The following NALF1 variants were observed in gnomAD, a reference collection of about 807,000 sequenced individuals.
NALF1 encodes the protein family with sequence similarity 155 member A.
Under a neutral mutation model 48.4 loss-of-function variants are expected in NALF1, and 3 were observed. The ratio of observed to expected loss-of-function variants is 0.06; its 90% confidence interval spans 0.03 to 0.16. The LOEUF is 0.16. NALF1 is among the 10% of genes least tolerant of loss of function. The pLI is 1.00. For missense variants in NALF1, 526 were observed against 571.5 expected (o/e 0.92, Z 0.81); for synonymous variants, 262 against 245.7 (o/e 1.07, Z -0.62).
intron 1 of NALF1, among the ~76,000 whole-genome samples, chr13:107,216,277 C>T (rs1217590728): frequency 6.6e-6 from 1 of 152,232 alleles, no homozygotes; most frequent in African/African-American, 2.4e-5. Context: ...CATGTTGCTA[C>T]AGTTTTAAGT....
chr13:107,753,856 A>G (rs144558064), intron 1 of NALF1, among the ~76,000 whole-genome samples: 32 of 152,254 alleles, frequency 2.1e-4, no homozygotes, highest in African/African-American at 7.7e-4. Context: ...GGTACAAATA[A>G]ATCTGTGATG....
At chr13:107,726,705 G>A (rs1876161313) in intron 1 of NALF1, among the ~76,000 whole-genome samples, 1 of 150,376 alleles carries the variant, frequency 6.6e-6, no homozygotes. Flanking sequence ...CGCCTCCCAG[G>A]TTCAAGTGAT....
rs1878768078 is a variant in NALF1, at chr13:107,170,164, A to G, written c.*333T>C. 4.5e-6 allele frequency: 1 copy of G among 224,114 alleles called. No homozygotes were observed. Among genetic ancestry groups the G allele is most frequent in the Admixed American group, 5.1e-5 (1 of 19,632 alleles). 13.9% of individuals were successfully genotyped at this position (224,114 alleles called of 1,614,324 possible). A position where few individuals can be genotyped will look rare whatever the true frequency, so the allele number is the denominator to read the frequency against. ...GAAAAGACTTAGTTTACCTCTGAGA[A>G]ACCATCCCCCAAAATAAATCCTGTA... is the stretch of plus-strand genomic sequence containing the variant. On this transcript the variant is annotated 3_prime_UTR_variant, in exon 3 of 3. Coordinates refer to ENST00000375915, the MANE Select transcript of NALF1 (RefSeq NM_001080396.3).
At chr13:107,555,260 TATTAATTAATTA>T (rs111849596) in intron 1 of NALF1, among the ~76,000 whole-genome samples, 1 of 150,914 alleles carries the variant, frequency 6.6e-6, no homozygotes. Flanking sequence ...TTTGATTTAT[TATTAATTAATTA>T]ATTAATTAAT....
chr13:107,602,904 G>A (rs1181483079), intron 1 of NALF1, among the ~76,000 whole-genome samples: 1 of 152,096 alleles, frequency 6.6e-6, no homozygotes, highest in Non-Finnish European at 1.5e-5. Context: ...ATCTTCTTGA[G>A]TAATTTTGTG....
chr13:107,210,899 AC>A, intron 1 of NALF1, 144 bp from the exon 2 acceptor site: 1 of 601,076 alleles, frequency 1.7e-6, no homozygotes, highest in East Asian at 2.7e-5. Context: ...TTACACAACG[AC>A]AGCTGCAAGT....
At chr13:107,812,712 T>A (rs1196396004) in intron 1 of NALF1, among the ~76,000 whole-genome samples, 1 of 152,166 alleles carries the variant, frequency 6.6e-6, no homozygotes, top group Non-Finnish European at 1.5e-5. Flanking sequence ...AACAGTATTA[T>A]TTTCTGAAAA....
rs767748270 is a variant in NALF1, at chr13:107,866,230, G to A, written c.367C>T (p.Leu123Phe). ...SSPAAQAHRL[L>F]SASSSPTLPP... ...AGGGTGGGGGACGAGGAGGCGGAGA[G>A]GAGTCTGTGTGCCTGGGCGGCGGGC... Residue 123 changes from leucine to phenylalanine, a missense_variant, in exon 1 of 3, where the codon CTC (leucine) becomes TTC (phenylalanine). By Grantham distance (22) the Leu-to-Phe change is conservative. Transcript: ENST00000375915. The surrounding 1 kb of genome is among the most constrained non-coding windows in gnomAD (Gnocchi z 4.4). The A allele has an allele frequency of 1.8e-5, 28 of 1,595,420 alleles. 1 individual carries two copies. The Middle Eastern group carries it at 3.4e-3, about 192-fold the overall frequency.
At chr13:107,283,655 T>C (rs202035387) in intron 1 of NALF1, among the ~76,000 whole-genome samples, 2 of 134,930 alleles carry the variant, frequency 1.5e-5, no homozygotes, top group African/African-American at 6.0e-5. Flanking sequence ...TTTATTTATT[T>C]ATTTACTATT....
chr13:107,168,002 G>A lies in NALF1; in HGVS notation c.*2495C>T, dbSNP rs2138758988. On this transcript the variant is annotated 3_prime_UTR_variant, in exon 3 of 3. Transcript: ENST00000375915. ...AAGTGTTTAGAAAGAATAATTTATT[G>A]TCATACCAATAAAAGTGAGTGGAAT... 6.6e-6 allele frequency: 1 copy of A among 152,310 alleles called. No individual in the cohort carries two copies. The highest frequency in any genetic ancestry group is 2.4e-5 in the African/African-American group (1 of 41,560). 9.4% of individuals were successfully genotyped at this position (152,310 alleles called of 1,614,324 possible). A position where few individuals can be genotyped will look rare whatever the true frequency, so the allele number is the denominator to read the frequency against.
At chr13:107,205,054 T>G (rs1275830872) in intron 2 of NALF1, among the ~76,000 whole-genome samples, 1 of 152,124 alleles carries the variant, frequency 6.6e-6, no homozygotes, top group East Asian at 1.9e-4. Flanking sequence ...GTGCACATTG[T>G]GCAGGTTAGT....
intron 1 of NALF1, among the ~76,000 whole-genome samples, chr13:107,404,458 CT>C (rs1446100033): frequency 1.3e-5 from 2 of 151,918 alleles, no homozygotes; most frequent in East Asian, 3.9e-4. Context: ...ACACAAACCA[CT>C]GAAAGCATTT....
At chr13:107,391,246 T>A (rs542956170) in intron 1 of NALF1, among the ~76,000 whole-genome samples, 1 of 152,232 alleles carries the variant, frequency 6.6e-6, no homozygotes, top group African/African-American at 2.4e-5. Context: ...TAAGCTCTAA[T>A]TTTTTATCTT....
rs1479743786 is a variant in NALF1 at position 107,163,627 on chromosome 13, A to G, written c.*6870T>C. On this transcript the variant is annotated 3_prime_UTR_variant, in exon 3 of 3. Coordinates refer to ENST00000375915, the MANE Select transcript of NALF1 (RefSeq NM_001080396.3). Reference sequence around the variant, plus strand: ...TATACTCCGGAATGTTCCTTTCCACATTCTTAGTCTCTCATAATTAACTGG... The same window carrying G: ...TATACTCCGGAATGTTCCTTTCCACGTTCTTAGTCTCTCATAATTAACTGG... 1 of 152,188 alleles carries G rather than the reference A, an allele frequency of 6.6e-6. No homozygotes were observed. The highest frequency in any genetic ancestry group is 1.5e-5 in the Non-Finnish European group (1 of 68,034). 9.4% of individuals were successfully genotyped at this position (152,188 alleles called of 1,614,324 possible).
rs554692119 is a variant in NALF1 at position 107,725,070 on chromosome 13, C to T, written c.915+140612G>A. On this transcript the variant is annotated intron_variant, in intron 1 of 2. Transcript: ENST00000375915. ...TTTGTCTTACTTCTGGATAAAAATA[C>T]GAATAAATACAATTGACCGTTGTTT... 5.3e-5 allele frequency among the ~76,000 whole-genome samples: 8 copies of T among 152,216 alleles called. No individual in the cohort carries two copies. In the East Asian group the frequency reaches 1.2e-3, roughly 22 times the overall value.
chr13:107,509,820 T>A lies in NALF1; in HGVS notation c.916-299065A>T, dbSNP rs74635622. Among the ~76,000 whole-genome samples, 1,359 of 152,152 alleles carry A rather than the reference T, an allele frequency of 8.9e-3. 54 individuals carry two copies. The East Asian group carries it at 0.12, about 14-fold the overall frequency. On this transcript the variant is annotated intron_variant, in intron 1 of 2. Transcript: ENST00000375915. ...TACAATTATTATTATTATTATTATT[T>A]TTTGAGTTAGGGTTTCACTCTGTCA...
At chr13:107,231,906 A>C (rs553852613) in intron 1 of NALF1, among the ~76,000 whole-genome samples, 2 of 152,340 alleles carry the variant, frequency 1.3e-5, no homozygotes, top group East Asian at 1.9e-4. Context: ...GTTTCATCTC[A>C]TAAGAAAGTA....
intron 1 of NALF1, among the ~76,000 whole-genome samples, chr13:107,250,422 T>TA (rs1392205322): frequency 2.6e-5 from 4 of 151,632 alleles, no homozygotes; most frequent in East Asian, 3.9e-4. Context: ...ATTTTTTTTT[T>TA]AAACAAAGGT....
intron 1 of NALF1, among the ~76,000 whole-genome samples, chr13:107,644,382 A>G (rs1880246876): frequency 6.6e-6 from 1 of 151,768 alleles, no homozygotes; most frequent in Admixed American, 6.6e-5. Context: ...AACCAGGTTT[A>G]ATATTATTTC....
Sources: gnomAD v4.1 joint callset for allele counts (sites outside exome capture counted in the v4.1 genomes callset) on GRCh38, gnomAD v4.1.1 for gene constraint, Gnocchi (gnomAD v3.1) non-coding constraint, MANE v1.5 for transcripts, NCBI Gene and HGNC (gene_info 2026-07-23, HGNC 2026-07-21) for gene names.